KIF14: variants seen among roughly 807,000 people sequenced by gnomAD.
KIF14 encodes the protein kinesin family member 14, also known as kinesin-like protein KIF14.
KIF14 carries 98 observed loss-of-function variants against 176.2 expected under a neutral mutation model. The ratio of observed to expected loss-of-function variants is 0.56; its 90% CI spans 0.47 to 0.66. The LOEUF (loss-of-function observed/expected upper bound fraction) is 0.66, where lower values mean the gene tolerates loss of function less well. Ranked by LOEUF, KIF14 falls within the 30% of genes least tolerant of loss-of-function variation. KIF14 has a pLI of 0.00. For missense variants in KIF14, 1,751 were observed against 1,920.4 expected (o/e 0.91, Z 1.65); for synonymous variants, 566 against 632.2 (o/e 0.90, Z 1.57).
At chr1:200,588,779 A>G (rs565471904) in intron 18 of KIF14, among the ~76,000 whole-genome samples, 1 of 152,272 alleles carries the variant, frequency 6.6e-6, no homozygotes, top group East Asian at 1.9e-4. Flanking sequence ...AGCTCATAAG[A>G]CTGAGGTAAT....
At chr1:200,563,247 G>T (rs1320510872) in intron 25 of KIF14, among the ~76,000 whole-genome samples, 4 of 151,950 alleles carry the variant, frequency 2.6e-5, no homozygotes, top group African/African-American at 4.8e-5. Flanking sequence ...GTCTTTCGGT[G>T]GGCACTATAA....
chr1:200,560,634 A>C, intron 26 of KIF14, 88 bp downstream of exon 26: 1 of 1,353,864 alleles, frequency 7.4e-7, no homozygotes, highest in Non-Finnish European at 1.0e-6. Context: ...AAACTTAAAA[A>C]GAACTTGCCA....
intron 21 of KIF14, among the ~76,000 whole-genome samples, chr1:200,578,906 A>G (rs1444735206): frequency 1.3e-5 from 2 of 151,850 alleles, no homozygotes; most frequent in Non-Finnish European, 2.9e-5. Context: ...CCTGGCTAAC[A>G]TGGTGAAACC....
chr1:200,606,699 T>C (rs1242610595), intron 6 of KIF14, 47 bp downstream of exon 6: 1 of 1,471,662 alleles, frequency 6.8e-7, no homozygotes, highest in Non-Finnish European at 9.5e-7. Flanking sequence ...ACATTCACTC[T>C]ATTCATTTGT....
intron 14 of KIF14, 111 bp from the exon 15 acceptor site, chr1:200,593,880 A>C: frequency 1.7e-6 from 1 of 595,240 alleles, no homozygotes; most frequent in South Asian, 2.2e-5. Context: ...TAAGATTCAT[A>C]CCAATATGTA....
chr1:200,578,188 A>C (rs1404657106), intron 21 of KIF14, among the ~76,000 whole-genome samples: 1 of 152,176 alleles, frequency 6.6e-6, no homozygotes, highest in Non-Finnish European at 1.5e-5. Context: ...CCTTTCAAAG[A>C]ACAAGAGCTT....
intron 25 of KIF14, among the ~76,000 whole-genome samples, chr1:200,563,425 T>A (rs1657269383): frequency 6.6e-6 from 1 of 152,136 alleles, no homozygotes; most frequent in South Asian, 2.1e-4. Context: ...AATGCAGTGG[T>A]GCAATCATGG....
At chr1:200,615,213 C>A in intron 3 of KIF14, 142 bp downstream of exon 3, 1 of 839,572 alleles carries the variant, frequency 1.2e-6, no homozygotes, top group South Asian at 1.9e-5. Context: ...CCCAAGTTTG[C>A]AGAACTGGTA....
chr1:200,587,740 C>T (rs920046962), intron 18 of KIF14, among the ~76,000 whole-genome samples: 2 of 152,148 alleles, frequency 1.3e-5, no homozygotes, highest in African/African-American at 4.8e-5. Context: ...CTCTGGAAGG[C>T]GGAGGTTGCA....
intron 4 of KIF14, among the ~76,000 whole-genome samples, chr1:200,610,709 C>T (rs1034964684): frequency 6.6e-6 from 1 of 151,938 alleles, no homozygotes; most frequent in Non-Finnish European, 1.5e-5. Flanking sequence ...ATCTCAGAGA[C>T]ATATAACATA....
At chr1:200,568,752 T>C (rs1352642416) in intron 23 of KIF14, among the ~76,000 whole-genome samples, 3 of 152,188 alleles carry the variant, frequency 2.0e-5, no homozygotes, top group Non-Finnish European at 2.9e-5. Context: ...ATAGTTTAGT[T>C]TGCCTGTCCT....
Position 200,565,537 on chromosome 1 carries a change from T to A in KIF14, c.3794A>T (p.Asp1265Val), listed in dbSNP as rs749909417. 4 of 1,611,454 alleles carry A rather than the reference T, an allele frequency of 2.5e-6. No individual in the cohort carries two copies. Among genetic ancestry groups the A allele is most frequent in the Non-Finnish European group, 3.4e-6 (4 of 1,179,208 alleles). The change falls in exon 24 of 30, where the codon GAC becomes GTC. Residue 1265 changes from aspartate to valine, a missense_variant. Physicochemically the swap from Asp to Val is radical, Grantham distance 152. Transcript: ENST00000367350. ...TTTAAGAAAACTATTAATTAGGCTG[T>A]CTGCTATAGTTCTTTCTTCATCATA... ...QSYDEERTIADSLINSFLKIY... is the reference protein window; with the variant it reads ...QSYDEERTIAVSLINSFLKIY...
At chr1:200,581,370 TAA>T in intron 19 of KIF14, 76 bp from the exon 20 acceptor site, 6 of 621,258 alleles carry the variant, frequency 9.7e-6, no homozygotes, top group Non-Finnish European at 7.9e-6. Context: ...AAACAATTCC[TAA>T]AAAAAAAATC....
intron 14 of KIF14, among the ~76,000 whole-genome samples, chr1:200,594,696 A>G (rs1312293168): frequency 2.0e-5 from 3 of 152,196 alleles, no homozygotes; most frequent in Non-Finnish European, 4.4e-5. Flanking sequence ...AGTCCAATTC[A>G]TCTTTGGATT....
chr1:200,605,348 T>C lies in KIF14; in HGVS notation c.1681A>G (p.Thr561Ala). The change falls in exon 8 of 30, where the codon ACT becomes GCT. Residue 561 changes from threonine (T) to alanine (A), a missense_variant. Coordinates refer to ENST00000367350, the MANE Select transcript of KIF14 (RefSeq NM_014875.3). ...LGNKQRATAATGMNDKSSRSH... is the reference protein window; with the variant it reads ...LGNKQRATAAAGMNDKSSRSH... ...CGGGAACTTTTATCATTCATACCAG[T>C]AGCAGCAGTAGCTCTTTGTTTATTT... 6.2e-7 allele frequency: 1 copy of C among 1,613,784 alleles called. No individual in the cohort carries two copies. Among genetic ancestry groups the C allele is most frequent in the Non-Finnish European group, 8.5e-7 (1 of 1,179,784 alleles).
rs1056913070 is a variant in KIF14 at position 200,611,409 on chromosome 1, G to A, written c.1456-2481C>T. On this transcript the variant is annotated intron_variant, in intron 4 of 29. Coordinates refer to ENST00000367350, the MANE Select transcript of KIF14 (RefSeq NM_014875.3). ...AGTAATACAAGGCAGAATATAGCTG[G>A]TGTCATGAGAGAGAAACAAAACACT... 2.6e-5 allele frequency among the ~76,000 whole-genome samples: 4 copies of A among 152,272 alleles called. No individual in the cohort carries two copies. The South Asian group carries it at 6.2e-4, about 24-fold the overall frequency.
intron 14 of KIF14, among the ~76,000 whole-genome samples, chr1:200,594,404 AC>A (rs1659225963): frequency 6.6e-6 from 1 of 150,644 alleles, no homozygotes; most frequent in African/African-American, 2.4e-5. Context: ...CTAGCAAAAA[AC>A]ATTAACATAC....
chr1:200,602,523 G>A (rs979180538), intron 10 of KIF14, among the ~76,000 whole-genome samples: 3 of 152,110 alleles, frequency 2.0e-5, no homozygotes, highest in Non-Finnish European at 4.4e-5. Flanking sequence ...ATATATTAGT[G>A]CAGAATGAAT....
chr1:200,615,739 T>A, intron 2 of KIF14, 130 bp from the exon 3 acceptor site: 1 of 818,630 alleles, frequency 1.2e-6, no homozygotes, highest in Non-Finnish European at 1.8e-6. Flanking sequence ...TAGTTTTATG[T>A]GGAAAATGCA....
Sources: gnomAD v4.1 joint callset for allele counts (sites outside exome capture counted in the v4.1 genomes callset) on GRCh38, gnomAD v4.1.1 for gene constraint, MANE v1.5 for transcripts, NCBI Gene and HGNC (gene_info 2026-07-23, HGNC 2026-07-21) for gene names.